CRADD: variants seen among roughly 807,000 people sequenced by gnomAD.
The protein encoded by CRADD is CARD and death domain containing adaptor protein, also known as death domain-containing protein CRADD.
CRADD carries 9 observed loss-of-function variants against 15.5 expected under a neutral mutation model. That is an observed-to-expected ratio of 0.58 (90% confidence interval 0.35 to 1.01). The LOEUF (loss-of-function observed/expected upper bound fraction) is 1.01. CRADD is among the 50% of genes least tolerant of loss of function. The pLI, the probability that CRADD is intolerant of heterozygous loss-of-function variation, is 0.02. For missense variants in CRADD, 227 were observed against 250.3 expected (o/e 0.91, Z 0.63); for synonymous variants, 118 against 107.6 (o/e 1.10, Z -0.60).
intron 2 of CRADD, among the ~76,000 whole-genome samples, chr12:93,688,183 GCT>G (rs1955482132): frequency 6.6e-6 from 1 of 152,164 alleles, no homozygotes; most frequent in South Asian, 2.1e-4. Context: ...CTGTCTGTCT[GCT>G]CATGGTCTTT....
At chr12:93,784,993 G>C (rs888609952) in intron 2 of CRADD, among the ~76,000 whole-genome samples, 9 of 152,000 alleles carry the variant, frequency 5.9e-5, no homozygotes, top group African/African-American at 1.9e-4. Flanking sequence ...TTATTAATTT[G>C]ATCACTTTCC....
chr12:93,719,987 A>G (rs1956230692), intron 2 of CRADD, among the ~76,000 whole-genome samples: 1 of 151,448 alleles, frequency 6.6e-6, no homozygotes, highest in Admixed American at 6.6e-5. Context: ...TTTGGATTTA[A>G]TTTGCTTTTC....
chr12:93,831,309 T>C (rs1957897928), intron 2 of CRADD: 1 of 152,186 alleles, frequency 6.6e-6, no homozygotes. Context: ...TGATCAGTAG[T>C]GGGATTGTAC....
rs370900423 is a variant in CRADD, at chr12:93,848,339, C to T, written c.299-1631C>T. Among the ~76,000 whole-genome samples, 20 of 152,244 alleles carry T rather than the reference C, an allele frequency of 1.3e-4. 1 individual carries two copies. The South Asian group carries it at 2.3e-3, about 17-fold the overall frequency. ...TGCAACTCATCTCTAAGGTGCTGGCCGCTGCCCAGAGGCCAAAGACATGGG... is the reference window on the plus strand; with the variant it reads ...TGCAACTCATCTCTAAGGTGCTGGCTGCTGCCCAGAGGCCAAAGACATGGG... On this transcript the variant is annotated intron_variant, in intron 2 of 2. Transcript: ENST00000332896.
At chr12:93,787,315 T>G (rs199778235) in intron 2 of CRADD, among the ~76,000 whole-genome samples, 50,334 of 145,470 alleles carry the variant, frequency 0.35, 9,758 homozygotes, top group East Asian at 0.59. Context: ...GTTTTTTTTT[T>G]TTTTTTTTTT....
At chr12:93,701,228 G>C (rs1232779911) in intron 2 of CRADD, among the ~76,000 whole-genome samples, 1 of 151,526 alleles carries the variant, frequency 6.6e-6, no homozygotes, top group Non-Finnish European at 1.5e-5. Flanking sequence ...AAGATGGAAG[G>C]TTTATTTTTC....
chr12:93,795,946 G>A (rs1957410732), intron 2 of CRADD, among the ~76,000 whole-genome samples: 1 of 152,204 alleles, frequency 6.6e-6, no homozygotes, highest in South Asian at 2.1e-4. Context: ...TCAGAGGAGG[G>A]CATAAGGAAA....
chr12:93,720,829 C>T lies in CRADD; in HGVS notation c.298+41757C>T, dbSNP rs557102384. Among the ~76,000 whole-genome samples the T allele has an allele frequency of 3.9e-5, 6 of 152,300 alleles. No individual in the cohort carries two copies. The East Asian group carries it at 1.2e-3, about 29-fold the overall frequency. The stretch of plus-strand genomic sequence containing the variant: ...TTTAAAGTGGACTTTTTGTAGACCA[C>T]ATATGATTGGGTTTTGTTTTTTGAT... On this transcript the variant is annotated intron_variant, in intron 2 of 2. Transcript: ENST00000332896.
chr12:93,738,109 T>C (rs1194427412), intron 2 of CRADD: 4 of 576,448 alleles, frequency 6.9e-6, no homozygotes, highest in African/African-American at 5.6e-5. Flanking sequence ...GAGGATCACA[T>C]GGCCCATTTT....
chr12:93,728,809 A>G (rs1843389366), intron 2 of CRADD, among the ~76,000 whole-genome samples: 1 of 152,244 alleles, frequency 6.6e-6, no homozygotes, highest in African/African-American at 2.4e-5. Context: ...ATATATCATT[A>G]CCAAATGGGA....
At chr12:93,708,875 G>A (rs1384075238) in intron 2 of CRADD, 1 of 152,574 alleles carries the variant, frequency 6.6e-6, no homozygotes, top group Non-Finnish European at 1.5e-5. Context: ...CTAGAAGCTG[G>A]GAAGTCCAAG....
At chr12:93,743,504 A>G (rs1565897907) in intron 2 of CRADD, among the ~76,000 whole-genome samples, 2 of 152,014 alleles carry the variant, frequency 1.3e-5, no homozygotes. Flanking sequence ...TAAGTTTTGT[A>G]TTTTTTAGTA....
In CRADD at chr12:93,846,169, G is replaced by A. The variant is rs142795299; in HGVS notation, c.299-3801G>A. On this transcript the variant is annotated intron_variant, in intron 2 of 2. Transcript: ENST00000332896. Reference sequence around the variant, plus strand: ...CTATTGTATGTCTCTGACATTTTGCGTATCCATTCATCCAGTGGATACTCA... The same window carrying A: ...CTATTGTATGTCTCTGACATTTTGCATATCCATTCATCCAGTGGATACTCA... 1.8e-3 allele frequency among the ~76,000 whole-genome samples: 269 copies of A among 152,198 alleles called. 5 individuals carry two copies. Among genetic ancestry groups the A allele is most frequent in the Middle Eastern group, 6.8e-3 (2 of 294 alleles).
intron 2 of CRADD, among the ~76,000 whole-genome samples, chr12:93,789,191 G>A (rs2136982450): frequency 6.6e-6 from 1 of 152,074 alleles, no homozygotes; most frequent in South Asian, 2.1e-4. Context: ...GGCTAGGTCA[G>A]TGTTTCTCCC....
chr12:93,744,870 TG>T (rs1444490160), intron 2 of CRADD, among the ~76,000 whole-genome samples: 1 of 152,220 alleles, frequency 6.6e-6, no homozygotes, highest in Non-Finnish European at 1.5e-5. Flanking sequence ...TGTTTTGTTT[TG>T]GTATCACAAT....
intron 2 of CRADD, among the ~76,000 whole-genome samples, chr12:93,829,584 G>A (rs553206018): frequency 3.9e-5 from 6 of 152,154 alleles, no homozygotes; most frequent in East Asian, 3.9e-4. Flanking sequence ...ACACATCTAC[G>A]GGCCAAATTC....
chr12:93,812,140 A>G (rs375831550), intron 2 of CRADD, among the ~76,000 whole-genome samples: 46 of 152,332 alleles, frequency 3.0e-4, no homozygotes, highest in African/African-American at 1.1e-3. Flanking sequence ...GAGTTGATGA[A>G]GCATAGGGGA....
At chr12:93,719,882 C>A (rs1956228635) in intron 2 of CRADD, among the ~76,000 whole-genome samples, 1 of 152,070 alleles carries the variant, frequency 6.6e-6, no homozygotes, top group Admixed American at 6.6e-5. Flanking sequence ...TTTCAAAGAG[C>A]AAACATTGCT....
At chr12:93,712,875 C>G (rs1956098433) in intron 2 of CRADD, among the ~76,000 whole-genome samples, 1 of 151,856 alleles carries the variant, frequency 6.6e-6, no homozygotes, top group Admixed American at 6.6e-5. Context: ...AGAAAAGAGG[C>G]CTGGAGAAAT....
Sources: allele counts gnomAD v4.1 joint callset (sites outside exome capture counted in the v4.1 genomes callset), GRCh38; gene constraint gnomAD v4.1.1; transcripts MANE v1.5; gene names NCBI Gene and HGNC (gene_info 2026-07-23, HGNC 2026-07-21).